NRXN3: variants seen among roughly 807,000 people sequenced by gnomAD.
NRXN3 encodes the protein neurexin III.
A neutral mutation model predicts 137.6 loss-of-function variants in NRXN3; 32 were observed. The observed-to-expected ratio is 0.23, with a 90% CI of 0.18 to 0.31. NRXN3 has a LOEUF of 0.31. Among genes scored for constraint, NRXN3 ranks in the 10% least tolerant of loss-of-function variants. NRXN3 has a pLI of 1.00. For synonymous variants in NRXN3, 798 were observed against 784.5 expected, an observed-to-expected ratio of 1.02 and a Z score of -0.29; for missense variants, 1,574 against 2,062.5, an observed-to-expected ratio of 0.76 and a Z score of 4.59.
chr14:78,327,682 T>C (rs1268199971), intron 4 of NRXN3, among the ~76,000 whole-genome samples: 2 of 152,168 alleles, frequency 1.3e-5, no homozygotes, highest in African/African-American at 2.4e-5. Context: ...ACTGGGCATA[T>C]AGCAGTGAGC....
chr14:79,726,327 T>A (rs2098889151), intron 19 of NRXN3, among the ~76,000 whole-genome samples: 1 of 152,326 alleles, frequency 6.6e-6, no homozygotes, highest in African/African-American at 2.4e-5. Flanking sequence ...TTCTCTGTCA[T>A]AAAATTGACA....
At chr14:79,747,557 T>A (rs886603645) in intron 19 of NRXN3, among the ~76,000 whole-genome samples, 7 of 152,092 alleles carry the variant, frequency 4.6e-5, no homozygotes, top group African/African-American at 1.7e-4. Flanking sequence ...CCTTCTGAAC[T>A]ACAAAGGACA....
chr14:78,780,735 C>T (rs544056977), intron 8 of NRXN3, among the ~76,000 whole-genome samples: 6 of 152,148 alleles, frequency 3.9e-5, no homozygotes, highest in South Asian at 4.2e-4. Context: ...CTTGAGAATA[C>T]AAATTCAAAA....
intron 15 of NRXN3, among the ~76,000 whole-genome samples, chr14:79,186,421 C>T (rs924409159): frequency 1.3e-5 from 2 of 152,082 alleles, no homozygotes; most frequent in African/African-American, 4.8e-5. Context: ...ATGAATCACC[C>T]ACTAACATCT....
chr14:79,656,680 C>T (rs1484792625), intron 16 of NRXN3, among the ~76,000 whole-genome samples: 1 of 145,444 alleles, frequency 6.9e-6, no homozygotes, highest in African/African-American at 2.6e-5. Context: ...TCAGTCTTAT[C>T]TCTCTGCGCC....
intron 4 of NRXN3, among the ~76,000 whole-genome samples, chr14:78,603,416 G>T (rs1160593248): frequency 1.3e-5 from 2 of 152,162 alleles, no homozygotes; most frequent in African/African-American, 4.8e-5. Context: ...GTCCTCTGAG[G>T]GATAAATTCC....
intron 16 of NRXN3, among the ~76,000 whole-genome samples, chr14:79,468,958 G>A (rs897294097): frequency 1.2e-4 from 19 of 152,096 alleles, no homozygotes; most frequent in Non-Finnish European, 5.9e-5. Flanking sequence ...ATGCCAAGGA[G>A]CAAAAAGAAA....
At chr14:79,737,265 G>T (rs555898487) in intron 19 of NRXN3, among the ~76,000 whole-genome samples, 1 of 152,250 alleles carries the variant, frequency 6.6e-6, no homozygotes, top group South Asian at 2.1e-4. Context: ...TTGGCTGATG[G>T]CTTCCTTAAC....
intron 15 of NRXN3, among the ~76,000 whole-genome samples, chr14:79,318,189 A>G (rs1457684736): frequency 6.6e-6 from 1 of 152,250 alleles, no homozygotes; most frequent in Non-Finnish European, 1.5e-5. Flanking sequence ...TGTATACTAA[A>G]TGGTCAAGCA....
At chr14:78,938,375 ATT>A (rs2099346077) in intron 10 of NRXN3, among the ~76,000 whole-genome samples, 2 of 152,082 alleles carry the variant, frequency 1.3e-5, no homozygotes, top group Non-Finnish European at 2.9e-5. Context: ...TCATTCAGCT[ATT>A]TCCTTTACCT....
intron 4 of NRXN3, among the ~76,000 whole-genome samples, chr14:78,434,963 G>T (rs776505739): frequency 1.2e-4 from 19 of 152,194 alleles, no homozygotes; most frequent in Non-Finnish European, 2.4e-4. Flanking sequence ...ACAGAGAGGG[G>T]CTTGCAGGCG....
chr14:79,061,489 G>T (rs1568153697), intron 15 of NRXN3, among the ~76,000 whole-genome samples: 1 of 152,190 alleles, frequency 6.6e-6, no homozygotes, highest in Non-Finnish European at 1.5e-5. Flanking sequence ...GGGGGAATGT[G>T]ATAAGGGTGT....
At chr14:79,724,699 T>C (rs1250366997) in intron 19 of NRXN3, among the ~76,000 whole-genome samples, 3 of 152,146 alleles carry the variant, frequency 2.0e-5, no homozygotes, top group Non-Finnish European at 4.4e-5. Context: ...ACAACCAATT[T>C]TGTTTTTGAT....
chr14:78,392,671 C>T lies in NRXN3; in HGVS notation c.757+94811C>T, dbSNP rs535846978. Among the ~76,000 whole-genome samples, 3 of 152,116 alleles carry T rather than the reference C, an allele frequency of 2.0e-5. No homozygotes were observed. In the South Asian group the frequency reaches 6.2e-4, roughly 32 times the overall value. On this transcript the variant is annotated intron_variant, in intron 4 of 20. Transcript: ENST00000335750. ...GATATAAATCATCTAACTTAGTGCT[C>T]TATACATGTAAAATGGTCAATAAAT...
chr14:78,392,901 C>G (rs891559072), intron 4 of NRXN3, among the ~76,000 whole-genome samples: 1 of 152,088 alleles, frequency 6.6e-6, no homozygotes, highest in Non-Finnish European at 1.5e-5. Context: ...AAGTACTCAT[C>G]ACATAGGATA....
intron 15 of NRXN3, among the ~76,000 whole-genome samples, chr14:79,260,331 A>G (rs2077408982): frequency 6.6e-6 from 1 of 152,192 alleles, no homozygotes; most frequent in Non-Finnish European, 1.5e-5. Flanking sequence ...AAAAAGGCAG[A>G]CACGTCTTGG....
intron 20 of NRXN3, among the ~76,000 whole-genome samples, chr14:79,818,725 C>T (rs2099261059): frequency 2.0e-5 from 3 of 152,204 alleles, no homozygotes. Flanking sequence ...AAAACACACA[C>T]ACACTTTTTG....
At chr14:79,055,487 G>A (rs1045869850) in intron 15 of NRXN3, among the ~76,000 whole-genome samples, 1 of 152,156 alleles carries the variant, frequency 6.6e-6, no homozygotes, top group African/African-American at 2.4e-5. Context: ...TAGGATCTGT[G>A]TAACACATTT....
intron 19 of NRXN3, among the ~76,000 whole-genome samples, chr14:79,737,622 C>T (rs981210848): frequency 1.3e-5 from 2 of 152,090 alleles, no homozygotes; most frequent in Non-Finnish European, 2.9e-5. Flanking sequence ...TGACCCACAA[C>T]ATTGATTTCA....
Sources: allele counts gnomAD v4.1 joint callset (sites outside exome capture counted in the v4.1 genomes callset), GRCh38; gene constraint gnomAD v4.1.1; transcripts MANE v1.5; gene names NCBI Gene and HGNC (gene_info 2026-07-23, HGNC 2026-07-21).